PCDHGB6: variants seen among roughly 807,000 people sequenced by gnomAD.
The protein encoded by PCDHGB6 is protocadherin gamma subfamily B, 6.
Under a neutral mutation model 59.1 loss-of-function variants are expected in PCDHGB6, and 51 were observed. The observed-to-expected ratio is 0.86, with a 90% confidence interval of 0.69 to 1.09. The LOEUF is 1.09. Among genes scored for constraint, PCDHGB6 ranks in the 50% least tolerant of loss-of-function variants. The pLI is 0.00. For missense variants in PCDHGB6, 1,148 were observed against 1,205.1 expected (o/e 0.95, Z 0.70); for synonymous variants, 466 against 495.1 (o/e 0.94, Z 0.78).
In PCDHGB6 at chr5:141,423,466, G is replaced by T. The variant is rs770939556; in HGVS notation, c.2418+12846G>T. On this transcript the variant is annotated intron_variant, in intron 1 of 3. Coordinates refer to ENST00000520790, the MANE Select transcript of PCDHGB6 (RefSeq NM_018926.3). Reference sequence around the variant, plus strand: ...GTCACATTTTGTAGGCGTGGACGGGGTACAGGCTTTCCTGCAAACCTATTC... The same window carrying T: ...GTCACATTTTGTAGGCGTGGACGGGTTACAGGCTTTCCTGCAAACCTATTC... 6 of 1,614,022 alleles carry T rather than the reference G, an allele frequency of 3.7e-6. No homozygotes were observed. In the Admixed American group the frequency reaches 5.0e-5, roughly 13 times the overall value.
intron 1 of PCDHGB6, among the ~76,000 whole-genome samples, chr5:141,475,339 T>C (rs1295364417): frequency 1.3e-5 from 2 of 152,188 alleles, no homozygotes; most frequent in Non-Finnish European, 2.9e-5. Flanking sequence ...AACAATGACA[T>C]CCAGTTTTAA....
In PCDHGB6 at chr5:141,431,280, C is replaced by T. The variant is rs2097357763; in HGVS notation, c.2418+20660C>T. The T allele has an allele frequency of 1.9e-6, 3 of 1,614,146 alleles. No homozygotes were observed. Among genetic ancestry groups the T allele is most frequent in the South Asian group, 1.1e-5 (1 of 91,088 alleles). ...TCTCTGCAGAGCTACGAGCTCAGCC[C>T]GAACACTCACTTCTCCCTCATCGTG... On this transcript the variant is annotated intron_variant, in intron 1 of 3. Transcript: ENST00000520790. This position sits in a 1 kb window ranked among gnomAD's most constrained non-coding sequence, Gnocchi z 4.8.
In PCDHGB6 at chr5:141,486,017, A is replaced by G. The variant is rs746747518; in HGVS notation, c.2419-8790A>G. On this transcript the variant is annotated intron_variant, in intron 1 of 3. Transcript: ENST00000520790. The surrounding 1 kb of genome is among the most constrained non-coding windows in gnomAD (Gnocchi z 5.0). ...CAGTGGTAACGTCACCTTTTATTTC[A>G]GTGGTCATACCCCTGATCGTGTAAG... The G allele has an allele frequency of 6.2e-7, 1 of 1,614,176 alleles. No homozygotes were observed. The highest frequency in any genetic ancestry group is 1.7e-5 in the Admixed American group (1 of 60,026).
At position 141,431,578 on chromosome 5, in the gene PCDHGB6, C is replaced by T. The variant is rs756332070; in HGVS notation, c.2418+20958C>T. 6.2e-7 allele frequency: 1 copy of T among 1,614,164 alleles called. No homozygotes were observed. On this transcript the variant is annotated intron_variant, in intron 1 of 3. Coordinates refer to ENST00000520790, the MANE Select transcript of PCDHGB6 (RefSeq NM_018926.3). This position sits in a 1 kb window ranked among gnomAD's most constrained non-coding sequence, Gnocchi z 4.8. ...ACGCTACCGACCCTGACGAAGGAGT[C>T]AATGCGGAAGTGAGGTATTCCTTCC...
rs182936964 is a variant in PCDHGB6, at chr5:141,502,069, T to C, written c.2478-3324T>C. 1.1e-3 allele frequency among the ~76,000 whole-genome samples: 175 copies of C among 152,186 alleles called. 1 individual carries two copies. Among genetic ancestry groups the C allele is most frequent in the African/African-American group, 3.9e-3 (162 of 41,524 alleles). ...CCCTACTTTATTCCCATTAGCCCCC[T>C]TCACCTGGGGCTGAGAACACCTGGC... On this transcript the variant is annotated intron_variant, in intron 2 of 3. Coordinates refer to ENST00000520790, the MANE Select transcript of PCDHGB6 (RefSeq NM_018926.3).
Position 141,431,033 on chromosome 5 carries a change from C to G in PCDHGB6, c.2418+20413C>G, listed in dbSNP as rs1006751011. ...CTTGGTCACGGCGGGCAGGATAGAC[C>G]GGGAGGAGCTCTGTATGGGGGCCAT... On this transcript the variant is annotated intron_variant, in intron 1 of 3. Coordinates refer to ENST00000520790, the MANE Select transcript of PCDHGB6 (RefSeq NM_018926.3). This position sits in a 1 kb window ranked among gnomAD's most constrained non-coding sequence, Gnocchi z 4.8. 1.2e-6 allele frequency: 2 copies of G among 1,613,980 alleles called. No individual in the cohort carries two copies. Among genetic ancestry groups the G allele is most frequent in the Admixed American group, 3.3e-5 (2 of 60,024 alleles).
intron 1 of PCDHGB6, chr5:141,418,665 A>G: frequency 6.2e-7 from 1 of 1,614,070 alleles, no homozygotes; most frequent in Middle Eastern, 1.6e-4. Flanking sequence ...GCCACTGACC[A>G]GGACGAGGGC....
In PCDHGB6 at chr5:141,489,184, G is replaced by T; in HGVS notation, c.2419-5623G>T. ...TCAGCTGCTGCATTCCAAGCCCTGG[G>T]TCTACCTTGGAGACAGGACAGCACA... On this transcript the variant is annotated intron_variant, in intron 1 of 3. Transcript: ENST00000520790. This position sits in a 1 kb window ranked among gnomAD's most constrained non-coding sequence, Gnocchi z 4.5. 7.8e-7 allele frequency: 1 copy of T among 1,287,330 alleles called. No homozygotes were observed. Among genetic ancestry groups the T allele is most frequent in the Non-Finnish European group, 1.1e-6 (1 of 928,816 alleles). 79.7% of individuals were successfully genotyped at this position (1,287,330 alleles called of 1,614,324 possible).
At position 141,409,599 on chromosome 5, in the gene PCDHGB6, C is replaced by T. The variant is rs753753955; in HGVS notation, c.1397C>T (p.Pro466Leu). Residue 466 changes from proline (P) to leucine (L), a missense_variant, in exon 1 of 4, where the codon CCG becomes CTG. Coordinates refer to ENST00000520790, the MANE Select transcript of PCDHGB6 (RefSeq NM_018926.3). Reference sequence around the variant, plus strand: ...GTGGTCCACGTGGCCGAGAACAACCCGCCAGGAGCCTCCATTGCGCAAGTG... The same window carrying T: ...GTGGTCCACGTGGCCGAGAACAACCTGCCAGGAGCCTCCATTGCGCAAGTG... ...SYVVHVAENN[P>L]PGASIAQVSA... 22 of 1,613,822 alleles carry T rather than the reference C, an allele frequency of 1.4e-5. No individual in the cohort carries two copies. The highest frequency in any genetic ancestry group is 1.8e-5 in the Non-Finnish European group (21 of 1,179,910).
intron 1 of PCDHGB6, chr5:141,414,343 A>G: frequency 1.9e-6 from 3 of 1,613,882 alleles, no homozygotes; most frequent in Non-Finnish European, 2.5e-6. Flanking sequence ...AACCTGTTCC[A>G]TTTTGGCGTA....
Position 141,439,440 on chromosome 5 carries a change from A to T in PCDHGB6, c.2418+28820A>T, listed in dbSNP as rs147662506. 1.4e-3 allele frequency among the ~76,000 whole-genome samples: 212 copies of T among 152,330 alleles called. 1 individual carries two copies. The highest frequency in any genetic ancestry group is 4.8e-3 in the African/African-American group (198 of 41,576). On this transcript the variant is annotated intron_variant, in intron 1 of 3. Transcript: ENST00000520790. Reference sequence around the variant, plus strand: ...GGTTATAAATTCCCAGGAATATTTTATTGCGGGAGCAAGACTGCACTGCTG... The same window carrying T: ...GGTTATAAATTCCCAGGAATATTTTTTTGCGGGAGCAAGACTGCACTGCTG...
intron 1 of PCDHGB6, chr5:141,418,608 G>A (rs1265400499): frequency 6.2e-7 from 1 of 1,614,040 alleles, no homozygotes; most frequent in Admixed American, 1.7e-5. Flanking sequence ...TACAGGGTTA[G>A]CCTTCGGGAA....
At chr5:141,415,740 G>GTTTTTTTTTTTTTTTTT (rs57426385) in intron 1 of PCDHGB6, 21 of 625,042 alleles carry the variant, frequency 3.4e-5, no homozygotes, top group African/African-American at 7.5e-5. Flanking sequence ...GTTTATTAAG[G>GTTTTTTTTTTTTTTTTT]TTTTTTTTTT....
chr5:141,415,740 GTTTTTTTTTTTTTTTTTT>G (rs57426385), intron 1 of PCDHGB6: 9 of 625,028 alleles, frequency 1.4e-5, no homozygotes, highest in African/African-American at 5.0e-5. Flanking sequence ...GTTTATTAAG[GTTTTTTTTTTTTTTTTTT>G]TTTTTTTTTT....
chr5:141,462,599 T>TGG (rs2099043404), intron 1 of PCDHGB6, among the ~76,000 whole-genome samples: 1 of 152,208 alleles, frequency 6.6e-6, no homozygotes, highest in African/African-American at 2.4e-5. Context: ...CCATTTCATA[T>TGG]ATTGTATTTT....
chr5:141,464,343 A>C (rs944042669), intron 1 of PCDHGB6, among the ~76,000 whole-genome samples: 7 of 151,212 alleles, frequency 4.6e-5, no homozygotes, highest in African/African-American at 1.5e-4. Context: ...ATGACTTGTC[A>C]TTTAGGTAGT....
chr5:141,485,865 C>A lies in PCDHGB6; in HGVS notation c.2419-8942C>A. ...TCTGGCACCGCAGAGCTCCGGGTAT[C>A]CGTGCTGGACGTAAACGACAACGCC... On this transcript the variant is annotated intron_variant, in intron 1 of 3. Transcript: ENST00000520790. The surrounding 1 kb of genome is among the most constrained non-coding windows in gnomAD (Gnocchi z 5.7). 1 of 1,614,182 alleles carries A rather than the reference C, an allele frequency of 6.2e-7. No homozygotes were observed. The highest frequency in any genetic ancestry group is 8.5e-7 in the Non-Finnish European group (1 of 1,180,034).
In PCDHGB6 at chr5:141,491,283, C is replaced by G; in HGVS notation, c.2419-3524C>G. ...AAATGCCCAAATCCAGTGACTTCCT[C>G]ATACACCCTCCTGAGCGTTCAGACC... On this transcript the variant is annotated intron_variant, in intron 1 of 3. Coordinates refer to ENST00000520790, the MANE Select transcript of PCDHGB6 (RefSeq NM_018926.3). The surrounding 1 kb of genome is among the most constrained non-coding windows in gnomAD (Gnocchi z 6.9). The G allele has an allele frequency of 1.2e-6, 2 of 1,614,164 alleles. No homozygotes were observed.
intron 1 of PCDHGB6, among the ~76,000 whole-genome samples, chr5:141,445,429 C>G (rs974775529): frequency 2.6e-5 from 4 of 152,200 alleles, no homozygotes; most frequent in Non-Finnish European, 5.9e-5. Flanking sequence ...ATGCAAGGCA[C>G]TGACCTATGG....
Sources: gnomAD v4.1 joint callset for allele counts (sites outside exome capture counted in the v4.1 genomes callset) on GRCh38, gnomAD v4.1.1 for gene constraint, Gnocchi (gnomAD v3.1) non-coding constraint, MANE v1.5 for transcripts, NCBI Gene and HGNC (gene_info 2026-07-23, HGNC 2026-07-21) for gene names.